DLC1: variants seen among roughly 807,000 people sequenced by gnomAD.
DLC1 encodes the protein rho GTPase-activating protein 7.
Under a neutral mutation model 140.3 loss-of-function variants are expected in DLC1, and 54 were observed. That is an observed-to-expected ratio of 0.38 (90% CI 0.31 to 0.48). The LOEUF is 0.48. Ranked by LOEUF, DLC1 falls within the 20% of genes least tolerant of loss-of-function variation. The pLI, the probability that DLC1 is intolerant of heterozygous loss-of-function variation, is 0.96. For synonymous variants in DLC1, 986 were observed against 728.1 expected (o/e 1.35, Z -5.70); for missense variants, 2,536 against 1,907.0 (o/e 1.33, Z -6.14).
At chr8:13,167,318 A>G (rs937073515) in intron 5 of DLC1, among the ~76,000 whole-genome samples, 4 of 151,288 alleles carry the variant, frequency 2.6e-5, no homozygotes, top group African/African-American at 7.3e-5. Flanking sequence ...AAAGCTTGCA[A>G]GGGAACTTAA....
chr8:13,154,294 G>A (rs73556421), intron 5 of DLC1, among the ~76,000 whole-genome samples: 28,699 of 152,220 alleles, frequency 0.19, 2,952 homozygotes, highest in African/African-American at 0.24. Context: ...GGAGCCCGCT[G>A]CGGTGGGGGC....
intron 5 of DLC1, among the ~76,000 whole-genome samples, chr8:13,259,447 A>T (rs565059630): frequency 1.3e-5 from 2 of 152,358 alleles, no homozygotes; most frequent in African/African-American, 2.4e-5. Flanking sequence ...GGAAGAGTCA[A>T]TGCAAATGAT....
chr8:13,091,028 G>A (rs970908739), intron 14 of DLC1, among the ~76,000 whole-genome samples: 1 of 151,588 alleles, frequency 6.6e-6, no homozygotes, highest in Non-Finnish European at 1.5e-5. Flanking sequence ...GGTTGGTCTT[G>A]AACTCCGGAG....
intron 4 of DLC1, chr8:13,341,835 A>T (rs1834068189): frequency 6.6e-6 from 1 of 152,144 alleles, no homozygotes; most frequent in Non-Finnish European, 1.5e-5. Flanking sequence ...TCTGTGGCCA[A>T]AGTGTAGGCG....
intron 2 of DLC1, among the ~76,000 whole-genome samples, chr8:13,446,515 C>T (rs1426560050): frequency 6.7e-6 from 1 of 149,332 alleles, no homozygotes; most frequent in Non-Finnish European, 1.5e-5. Flanking sequence ...AGCCAGTGAA[C>T]TTTGGCTTTG....
At chr8:13,468,493 C>T (rs556598502) in intron 2 of DLC1, among the ~76,000 whole-genome samples, 4 of 151,642 alleles carry the variant, frequency 2.6e-5, no homozygotes, top group African/African-American at 9.7e-5. Context: ...CAATCCACCA[C>T]CTCCCAGATA....
intron 2 of DLC1, among the ~76,000 whole-genome samples, chr8:13,491,885 C>T (rs532682877): frequency 2.0e-5 from 3 of 152,268 alleles, no homozygotes; most frequent in East Asian, 1.9e-4. Context: ...CTTACCACAA[C>T]GAAGACATGC....
intron 5 of DLC1, among the ~76,000 whole-genome samples, chr8:13,188,946 C>G (rs1056395578): frequency 3.3e-4 from 49 of 148,458 alleles, no homozygotes; most frequent in African/African-American, 1.2e-3. Context: ...GCCTCGGCCT[C>G]CCAAAGTGCT....
chr8:13,505,011 G>T (rs1363387720), intron 1 of DLC1, among the ~76,000 whole-genome samples: 1 of 152,028 alleles, frequency 6.6e-6, no homozygotes, highest in African/African-American at 2.4e-5. Context: ...AATTATATAT[G>T]ACATATTGAG....
intron 4 of DLC1, among the ~76,000 whole-genome samples, chr8:13,388,813 T>G (rs1836631810): frequency 6.6e-6 from 1 of 152,014 alleles, no homozygotes; most frequent in Non-Finnish European, 1.5e-5. Context: ...GATATATGAT[T>G]TAGAAAATGA....
chr8:13,280,469 T>TAAGCTAG (rs1831327008), intron 5 of DLC1, among the ~76,000 whole-genome samples: 1 of 152,184 alleles, frequency 6.6e-6, no homozygotes, highest in East Asian at 1.9e-4. Flanking sequence ...GTCTGTATCC[T>TAAGCTAG]AAGCTAGAGA....
At chr8:13,143,097 G>C (rs947947102) in intron 5 of DLC1, among the ~76,000 whole-genome samples, 8 of 150,188 alleles carry the variant, frequency 5.3e-5, no homozygotes, top group African/African-American at 1.7e-4. Context: ...TATCATATTG[G>C]TGGGTGCAAG....
chr8:13,270,887 G>A (rs1437892740), intron 5 of DLC1, among the ~76,000 whole-genome samples: 4 of 152,112 alleles, frequency 2.6e-5, no homozygotes, highest in Admixed American at 6.5e-5. Flanking sequence ...GACTCTCTAA[G>A]CACTTTGCAG....
chr8:13,363,158 C>T (rs1358784571), intron 4 of DLC1, among the ~76,000 whole-genome samples: 2 of 152,170 alleles, frequency 1.3e-5, no homozygotes, highest in Non-Finnish European at 2.9e-5. Flanking sequence ...CTGTTAATGT[C>T]TACACATGAG....
chr8:13,192,202 C>T (rs909330865), intron 5 of DLC1, among the ~76,000 whole-genome samples: 2 of 151,998 alleles, frequency 1.3e-5, no homozygotes, highest in African/African-American at 2.4e-5. Flanking sequence ...CTGCCGGCCT[C>T]GGCCTCCTAA....
intron 1 of DLC1, among the ~76,000 whole-genome samples, chr8:13,581,971 G>C (rs982626763): frequency 6.6e-6 from 1 of 152,130 alleles, no homozygotes; most frequent in Non-Finnish European, 1.5e-5. Context: ...CTGTGTGTGA[G>C]TGTGTGTGTG....
intron 5 of DLC1, among the ~76,000 whole-genome samples, chr8:13,287,659 T>C (rs74643033): frequency 0.075 from 11,366 of 152,202 alleles, 745 homozygotes; most frequent in African/African-American, 0.18. Flanking sequence ...AATTGTAAAA[T>C]AAACCTCCCA....
intron 5 of DLC1, among the ~76,000 whole-genome samples, chr8:13,227,236 C>T (rs1828835522): frequency 6.6e-6 from 1 of 151,956 alleles, no homozygotes; most frequent in African/African-American, 2.4e-5. Flanking sequence ...CAAGTGTAGT[C>T]TCACCTAGTG....
chr8:13,342,610 A>G (rs78732034), intron 4 of DLC1: 3,053 of 152,298 alleles, frequency 0.02, 46 homozygotes, highest in Non-Finnish European at 0.033. Context: ...CAACATAGAA[A>G]TCCTGCTTGG....
Sources: allele counts gnomAD v4.1 joint callset (sites outside exome capture counted in the v4.1 genomes callset), GRCh38; gene constraint gnomAD v4.1.1; transcripts MANE v1.5; gene names NCBI Gene and HGNC (gene_info 2026-07-23, HGNC 2026-07-21).